The following GYS1 variants were observed in gnomAD, a reference collection of about 807,000 sequenced individuals.
GYS1 encodes the protein glycogen synthase 1, also known as glycogen [starch] synthase, muscle.
In GYS1, 60 loss-of-function variants were observed where a neutral mutation model predicts 89.1. The observed-to-expected ratio is 0.67, with a 90% CI of 0.55 to 0.84. GYS1 has a LOEUF of 0.84. GYS1 is among the 40% of genes least tolerant of loss of function. The pLI is 0.00. For missense variants in GYS1, 888 were observed against 1,003.1 expected, an observed-to-expected ratio of 0.89 and a Z score of 1.55; for synonymous variants, 366 against 401.7, an observed-to-expected ratio of 0.91 and a Z score of 1.06.
chr19:48,971,919 T>C (rs2038571113), intron 12 of GYS1, among the ~76,000 whole-genome samples: 1 of 149,642 alleles, frequency 6.7e-6, no homozygotes, highest in Admixed American at 6.7e-5. Context: ...TGGAGGACAG[T>C]GGCTTGATCA....
At chr19:48,975,653 C>T (rs1194672495) in intron 10 of GYS1, among the ~76,000 whole-genome samples, 9 of 151,856 alleles carry the variant, frequency 5.9e-5, no homozygotes, top group East Asian at 1.9e-4. Flanking sequence ...AACCACCAGG[C>T]GTGGTGGCTC....
intron 14 of GYS1, chr19:48,970,140 T>G (rs907492889): frequency 2.0e-6 from 1 of 512,294 alleles, no homozygotes; most frequent in South Asian, 2.1e-5. Flanking sequence ...TTTTTTCTTT[T>G]TAAACACGGT....
rs962076440 is a variant in GYS1 at position 48,969,563 on chromosome 19, A to T, written c.1939T>A (p.Ser647Thr). 1 of 1,539,260 alleles carries T rather than the reference A, an allele frequency of 6.5e-7. No homozygotes were observed. Among genetic ancestry groups the T allele is most frequent in the Non-Finnish European group, 8.7e-7 (1 of 1,146,880 alleles). ...PRPASVPPSP[S>T]LSRHSSPHQS... ...TGCGGGCTGGAGTGTCGTGACAGCGAGGGCGACGGTGGCACCGAGGCTGGC... is the reference window on the plus strand; with the variant it reads ...TGCGGGCTGGAGTGTCGTGACAGCGTGGGCGACGGTGGCACCGAGGCTGGC... The change falls in exon 16 of 16, where the codon TCG (serine) becomes ACG (threonine). Residue 647 changes from serine to threonine, a missense_variant. Ser to Thr is a moderately conservative substitution (Grantham distance 58). Transcript: ENST00000323798.
Position 48,985,818 on chromosome 19 carries a change from G to A in GYS1, c.678+32C>T, listed in dbSNP as rs372415614. Reference sequence around the variant, plus strand: ...AGCTTTGGGTTTTCCTGGCATACTCGCAGTCCCCCATCTGCCACGGTCCCA... The same window carrying A: ...AGCTTTGGGTTTTCCTGGCATACTCACAGTCCCCCATCTGCCACGGTCCCA... On this transcript the variant is annotated intron_variant, in intron 4 of 15. Transcript: ENST00000323798. The A allele has an allele frequency of 5.0e-6, 8 of 1,607,898 alleles. No homozygotes were observed. The African/African-American group carries it at 6.7e-5, about 13-fold the overall frequency.
At chr19:48,984,769 T>A (rs930996266) in intron 5 of GYS1, among the ~76,000 whole-genome samples, 2 of 151,906 alleles carry the variant, frequency 1.3e-5, no homozygotes, top group Non-Finnish European at 2.9e-5. Flanking sequence ...TAGTCCCAGC[T>A]ACTTGGGAGG....
rs2038494190 is a variant in GYS1, at chr19:48,968,422, G to A, written c.*866C>T. The stretch of plus-strand genomic sequence containing the variant: ...TCTAGAAGCCAGGACCTAGAACCTA[G>A]TGGTTTCACAGTGGGCAGAGCAGTT... On this transcript the variant is annotated 3_prime_UTR_variant, in exon 16 of 16. Transcript: ENST00000323798. 2.2e-6 allele frequency: 1 copy of A among 454,446 alleles called. No homozygotes were observed. The highest frequency in any genetic ancestry group is 2.4e-5 in the Admixed American group (1 of 42,552). The allele number at this position is 454,446 out of a possible 1,614,324, so 28.2% of individuals were successfully genotyped here.
intron 10 of GYS1, 66 bp downstream of exon 10, chr19:48,977,858 G>T: frequency 1.7e-6 from 2 of 1,206,198 alleles, no homozygotes; most frequent in Non-Finnish European, 2.5e-6. Context: ...GTCTGAGCTG[G>T]CCTGGCAAGC....
rs1412202085 is a variant in GYS1, at chr19:48,979,642, CTTTCTTTT to C, written c.1170-1493_1170-1486del. On this transcript the variant is annotated intron_variant, in intron 8 of 15. Coordinates refer to ENST00000323798, the MANE Select transcript of GYS1 (RefSeq NM_002103.5). ...GTGAGCCACCGCGCCCAGCCTCTTT[CTTTCTTTT>C]TTTTTTTTTTTTTTTTGAGACCGAG... Among the ~76,000 whole-genome samples, 67 of 113,074 alleles carry C rather than the reference CTTTCTTTT, an allele frequency of 5.9e-4. 1 individual carries two copies. In the South Asian group the frequency reaches 7.2e-3, roughly 12 times the overall value. 74.2% of individuals were successfully genotyped at this position (113,074 alleles called of 152,430 possible). A position where few individuals can be genotyped will look rare whatever the true frequency, so the allele number is the denominator to read the frequency against.
intron 10 of GYS1, among the ~76,000 whole-genome samples, chr19:48,976,490 G>A (rs78400026): frequency 0.018 from 2,663 of 152,136 alleles, 67 homozygotes; most frequent in African/African-American, 0.06. Flanking sequence ...TGAAGTTAGG[G>A]ATCTAAAGCA....
intron 2 of GYS1, among the ~76,000 whole-genome samples, chr19:48,987,680 A>G (rs1286374382): frequency 6.6e-6 from 1 of 152,088 alleles, no homozygotes; most frequent in Admixed American, 6.5e-5. Context: ...TCTGTGGCCC[A>G]GGCTGGAGTG....
intron 10 of GYS1, among the ~76,000 whole-genome samples, chr19:48,977,680 T>A (rs1253079340): frequency 6.6e-6 from 1 of 152,150 alleles, no homozygotes; most frequent in Admixed American, 6.5e-5. Context: ...AAACCACACG[T>A]CCCAGCAACC....
chr19:48,972,807 TA>T (rs2038585960), intron 12 of GYS1, among the ~76,000 whole-genome samples: 1 of 152,088 alleles, frequency 6.6e-6, no homozygotes, highest in African/African-American at 2.4e-5. Context: ...TAAGTTTTCC[TA>T]AAAACATCTG....
chr19:48,993,211 C>A lies in GYS1; in HGVS notation c.-99G>T. On this transcript the variant is annotated 5_prime_UTR_variant, in exon 1 of 16. Transcript: ENST00000323798. The stretch of plus-strand genomic sequence containing the variant: ...AGGGTGCGGGGCCGAGTAGCTGGTG[C>A]CCGACGGGAAGCTTGCAAGACGCTC... The A allele has an allele frequency of 1.3e-6, 1 of 781,082 alleles. No homozygotes were observed. The highest frequency in any genetic ancestry group is 2.3e-6 in the Non-Finnish European group (1 of 429,886). 48.4% of individuals were successfully genotyped at this position (781,082 alleles called of 1,614,324 possible).
rs1445305848 is a variant in GYS1 at position 48,985,903 on chromosome 19, G to C, written c.625C>G (p.Leu209Val). ...GCACCGGCACACAGGTAGCGCCCCAGCAGCGTGGCATGGGTGGTGAAGATG... is the reference window on the plus strand; with the variant it reads ...GCACCGGCACACAGGTAGCGCCCCACCAGCGTGGCATGGGTGGTGAAGATG... ...ATIFTTHATL[L>V]GRYLCAGAVD... is the part of the protein sequence containing the mutation. The change falls in exon 4 of 16, where the codon CTG becomes GTG. Residue 209 changes from leucine to valine, a missense_variant. Physicochemically the swap from Leu to Val is conservative, Grantham distance 32. Coordinates refer to ENST00000323798, the MANE Select transcript of GYS1 (RefSeq NM_002103.5). The C allele has an allele frequency of 6.2e-7, 1 of 1,614,132 alleles. No individual in the cohort carries two copies. Among genetic ancestry groups the C allele is most frequent in the Non-Finnish European group, 8.5e-7 (1 of 1,180,040 alleles).
chr19:48,981,123 A>C (rs1266074186), intron 8 of GYS1, among the ~76,000 whole-genome samples: 2 of 146,942 alleles, frequency 1.4e-5, no homozygotes, highest in Non-Finnish European at 3.0e-5. Context: ...AAAATAAAAA[A>C]AAAAAAGAGG....
chr19:48,989,069 C>T (rs533009599), intron 2 of GYS1, among the ~76,000 whole-genome samples: 2 of 151,810 alleles, frequency 1.3e-5, no homozygotes, highest in African/African-American at 4.8e-5. Flanking sequence ...CCTTCCTTCC[C>T]TCTCTCCCTC....
chr19:48,982,710 C>T lies in GYS1; in HGVS notation c.941+10G>A, dbSNP rs764038596. ...TCCTCTCTTAAGACCTAGGTATATG[C>T]CCCACGTACCCATAAAAATGGCCCC... is the stretch of plus-strand genomic sequence containing the variant. On this transcript the variant is annotated intron_variant, in intron 6 of 15. Transcript: ENST00000323798. 3 of 1,539,394 alleles carry T rather than the reference C, an allele frequency of 1.9e-6. No homozygotes were observed. The highest frequency in any genetic ancestry group is 2.7e-6 in the Non-Finnish European group (3 of 1,112,038).
At chr19:48,981,745 G>A in intron 7 of GYS1, 109 bp from the exon 8 acceptor site, 1 of 735,018 alleles carries the variant, frequency 1.4e-6, no homozygotes, top group Non-Finnish European at 2.4e-6. Context: ...TTCCTGTCAA[G>A]GAGAATTATA....
At chr19:48,973,095 G>A (rs1032745112) in intron 12 of GYS1, among the ~76,000 whole-genome samples, 7 of 152,052 alleles carry the variant, frequency 4.6e-5, no homozygotes, top group African/African-American at 7.2e-5. Context: ...ATTGGATTAC[G>A]GGGGTGGTTC....
Sources: allele counts gnomAD v4.1 joint callset (sites outside exome capture counted in the v4.1 genomes callset), GRCh38; gene constraint gnomAD v4.1.1; transcripts MANE v1.5; gene names NCBI Gene and HGNC (gene_info 2026-07-23, HGNC 2026-07-21).